Variants in RERE observed in about 807,000 individuals in gnomAD.
RERE encodes arginine-glutamic acid dipeptide repeats protein.
RERE carries 40 observed loss-of-function variants against 146.1 expected under a neutral mutation model. That is an observed-to-expected ratio of 0.27 (90% CI 0.21 to 0.36). The LOEUF (loss-of-function observed/expected upper bound fraction) is 0.36, where lower values mean the gene tolerates loss of function less well. Among genes scored for constraint, RERE ranks in the 10% least tolerant of loss-of-function variants. The pLI is 1.00. For synonymous variants in RERE, 1,003 were observed against 866.0 expected, an observed-to-expected ratio of 1.16 and a Z score of -2.78; for missense variants, 1,933 against 2,138.7, an observed-to-expected ratio of 0.90 and a Z score of 1.90.
At chr1:8,626,162 C>G (rs765342089) in intron 2 of RERE, among the ~76,000 whole-genome samples, 1 of 152,186 alleles carries the variant, frequency 6.6e-6, no homozygotes. Context: ...TTTCATACTC[C>G]TACCTTGGTA....
chr1:8,529,287 C>T lies in RERE; in HGVS notation c.830+11927G>A, dbSNP rs867720750. Among the ~76,000 whole-genome samples, 331 of 102,430 alleles carry T rather than the reference C, an allele frequency of 3.2e-3. 2 individuals are homozygous for T. Among genetic ancestry groups the T allele is most frequent in the African/African-American group, 0.012 (316 of 26,046 alleles). 67.2% of individuals were successfully genotyped at this position (102,430 alleles called of 152,430 possible). The stretch of plus-strand genomic sequence containing the variant: ...CCTCCACAACCATCAGTTCTCCCTT[C>T]TTTTTTTTTTTTTTTTTTTTGAGAT... On this transcript the variant is annotated intron_variant, in intron 7 of 22. Coordinates refer to ENST00000400908, the MANE Select transcript of RERE (RefSeq NM_001042681.2).
At chr1:8,591,740 A>G (rs1359880943) in intron 4 of RERE, among the ~76,000 whole-genome samples, 2 of 152,210 alleles carry the variant, frequency 1.3e-5, no homozygotes, top group African/African-American at 2.4e-5. Context: ...TCTCCTCCTT[A>G]GCATTATCAA....
chr1:8,609,395 T>C (rs1340787907), intron 4 of RERE, among the ~76,000 whole-genome samples: 1 of 152,142 alleles, frequency 6.6e-6, no homozygotes, highest in East Asian at 1.9e-4. Flanking sequence ...ATTTGTTACA[T>C]TATAAGTCGA....
At chr1:8,743,949 T>C (rs1397494576) in intron 1 of RERE, among the ~76,000 whole-genome samples, 1 of 152,194 alleles carries the variant, frequency 6.6e-6, no homozygotes, top group Non-Finnish European at 1.5e-5. Flanking sequence ...CTCCATGAAT[T>C]AAGGAATATT....
At chr1:8,458,640 A>AT (rs1644484717) in intron 11 of RERE, among the ~76,000 whole-genome samples, 1 of 151,374 alleles carries the variant, frequency 6.6e-6, no homozygotes, top group East Asian at 2.0e-4. Flanking sequence ...GCTGGCTTTT[A>AT]TTTTTTTAAT....
At chr1:8,415,575 C>CT (rs1222668610) in intron 12 of RERE, among the ~76,000 whole-genome samples, 2 of 152,214 alleles carry the variant, frequency 1.3e-5, no homozygotes, top group Non-Finnish European at 2.9e-5. Flanking sequence ...ACACTGAGAA[C>CT]GGCAACTGTC....
rs148581380 is a variant in RERE at position 8,419,810 on chromosome 1, G to C, written c.1284+2917C>G. On this transcript the variant is annotated intron_variant, in intron 12 of 22. Coordinates refer to ENST00000400908, the MANE Select transcript of RERE (RefSeq NM_001042681.2). ...AAGGTTCCAGAGCAAGTAAGTAGCA[G>C]AGAAGGCAAGAATCATCACTTCGTT... 2.7e-3 allele frequency among the ~76,000 whole-genome samples: 418 copies of C among 152,334 alleles called. 4 individuals are homozygous for C. Among genetic ancestry groups the C allele is most frequent in the African/African-American group, 9.5e-3 (395 of 41,580 alleles).
At position 8,550,737 on chromosome 1, in the gene RERE, G is replaced by A. The variant is rs190189057; in HGVS notation, c.725+5738C>T. Among the ~76,000 whole-genome samples, 10 of 152,172 alleles carry A rather than the reference G, an allele frequency of 6.6e-5. No individual in the cohort carries two copies. In the East Asian group the frequency reaches 1.4e-3, roughly 21 times the overall value. On this transcript the variant is annotated intron_variant, in intron 6 of 22. Transcript: ENST00000400908. ...AATTTTTTGTATTTTTAGTAGAGAC[G>A]GGGTTTTGCCATGTTGGCCAGGCTG...
At chr1:8,668,921 A>ACT (rs1240062067) in intron 1 of RERE, among the ~76,000 whole-genome samples, 4 of 78,228 alleles carry the variant, frequency 5.1e-5, no homozygotes, top group Non-Finnish European at 1.0e-4. Flanking sequence ...AATGCACTAA[A>ACT]CTCTGTGTGT....
intron 4 of RERE, among the ~76,000 whole-genome samples, chr1:8,573,411 T>C (rs1416399213): frequency 6.6e-6 from 1 of 151,706 alleles, no homozygotes; most frequent in Non-Finnish European, 1.5e-5. Flanking sequence ...CTAGACTCTT[T>C]GAGTTCTTCT....
chr1:8,496,895 T>C (rs1212267255), intron 9 of RERE, among the ~76,000 whole-genome samples: 1 of 152,224 alleles, frequency 6.6e-6, no homozygotes, highest in Non-Finnish European at 1.5e-5. Flanking sequence ...TAAATTTTAC[T>C]TTAAGGTCCA....
At position 8,362,848 on chromosome 1, in the gene RERE, C is replaced by G. The variant is rs920708199; in HGVS notation, c.1741-4G>C. 1 of 1,606,242 alleles carries G rather than the reference C, an allele frequency of 6.2e-7. No individual in the cohort carries two copies. The highest frequency in any genetic ancestry group is 1.7e-5 in the Admixed American group (1 of 59,696). ...GACCACTGCGTAGTGTCGACATCTGCCCACCCAAACCGAAGACTGGTGACA... is the reference window on the plus strand; with the variant it reads ...GACCACTGCGTAGTGTCGACATCTGGCCACCCAAACCGAAGACTGGTGACA... On this transcript the variant is annotated splice_polypyrimidine_tract_variant and splice_region_variant and intron_variant, in intron 15 of 22. Coordinates refer to ENST00000400908, the MANE Select transcript of RERE (RefSeq NM_001042681.2).
At chr1:8,472,343 C>G (rs1051186481) in intron 10 of RERE, among the ~76,000 whole-genome samples, 1 of 152,174 alleles carries the variant, frequency 6.6e-6, no homozygotes, top group Non-Finnish European at 1.5e-5. Flanking sequence ...TTCTAAACAC[C>G]TGATCACGAC....
At chr1:8,500,303 C>A (rs933998009) in intron 8 of RERE, among the ~76,000 whole-genome samples, 1 of 152,156 alleles carries the variant, frequency 6.6e-6, no homozygotes, top group Non-Finnish European at 1.5e-5. Context: ...CCAACCTCCC[C>A]CCCATTCTTG....
At chr1:8,380,645 C>CCCATCAAGAGCTTTTTTAA in intron 12 of RERE, 1 of 361,280 alleles carries the variant, frequency 2.8e-6, no homozygotes, top group East Asian at 7.4e-5. Context: ...CCAAGCCTGG[C>CCCATCAAGAGCTTTTTTAA]CCATCAAGAG....
chr1:8,489,101 T>C (rs1259952405), intron 10 of RERE, among the ~76,000 whole-genome samples: 2 of 152,116 alleles, frequency 1.3e-5, no homozygotes, highest in African/African-American at 4.8e-5. Context: ...CCCGGCATTT[T>C]GGGAAGCTGA....
rs1285005412 is a variant in RERE at position 8,547,086 on chromosome 1, T to TAA, written c.726-5769_726-5768insTT. 2.0e-4 allele frequency among the ~76,000 whole-genome samples: 22 copies of TAA among 109,768 alleles called. 1 individual carries two copies. Among genetic ancestry groups the TAA allele is most frequent in the South Asian group, 2.0e-3 (7 of 3,508 alleles). The allele number at this position is 109,768 out of a possible 152,430, so 72.0% of individuals were successfully genotyped here. A position where few individuals can be genotyped will look rare whatever the true frequency, so the allele number is the denominator to read the frequency against. ...GTACAAATACCAACAAGCTTTTTTTTTAAAAAAAAAAAAACAAAATATTAA... is the reference window on the plus strand; with the variant it reads ...GTACAAATACCAACAAGCTTTTTTTTAATAAAAAAAAAAAAACAAAATATTAA... On this transcript the variant is annotated intron_variant, in intron 6 of 22. Transcript: ENST00000400908.
Position 8,471,599 on chromosome 1 carries a change from A to T in RERE, c.1105-5576T>A, listed in dbSNP as rs148352497. On this transcript the variant is annotated intron_variant, in intron 10 of 22. Coordinates refer to ENST00000400908, the MANE Select transcript of RERE (RefSeq NM_001042681.2). ...GGCACAATCAGCCCACTTCCGCCTGAATTCCTGGGCTCAAGCAATCCTCCT... is the reference window on the plus strand; with the variant it reads ...GGCACAATCAGCCCACTTCCGCCTGTATTCCTGGGCTCAAGCAATCCTCCT... Among the ~76,000 whole-genome samples, 1,083 of 149,324 alleles carry T rather than the reference A, an allele frequency of 7.3e-3. 18 individuals are homozygous for T. Among genetic ancestry groups the T allele is most frequent in the African/African-American group, 0.025 (1,020 of 40,386 alleles).
At chr1:8,433,715 C>T (rs535283228) in intron 11 of RERE, among the ~76,000 whole-genome samples, 9 of 151,852 alleles carry the variant, frequency 5.9e-5, no homozygotes, top group East Asian at 5.8e-4. Flanking sequence ...CGCCCGCCAC[C>T]GCGCCCGGCT....
Sources: allele counts gnomAD v4.1 joint callset (sites outside exome capture counted in the v4.1 genomes callset), GRCh38; gene constraint gnomAD v4.1.1; transcripts MANE v1.5; gene names NCBI Gene and HGNC (gene_info 2026-07-23, HGNC 2026-07-21).